Variants in FMN2 observed in about 807,000 individuals in gnomAD.
The protein encoded by FMN2 is formin 2.
A neutral mutation model predicts 142.3 loss-of-function variants in FMN2; 51 were observed. That is an observed-to-expected ratio of 0.36 (90% CI 0.29 to 0.45). The LOEUF (loss-of-function observed/expected upper bound fraction) is 0.45. Ranked by LOEUF, FMN2 falls within the 20% of genes least tolerant of loss-of-function variation. FMN2 has a pLI of 1.00. For synonymous variants in FMN2, 882 were observed against 869.8 expected, an observed-to-expected ratio of 1.01 and a Z score of -0.25; for missense variants, 1,936 against 2,122.8, an observed-to-expected ratio of 0.91 and a Z score of 1.73.
chr1:240,122,439 C>T (rs371021529), intron 1 of FMN2, among the ~76,000 whole-genome samples: 52 of 152,112 alleles, frequency 3.4e-4, no homozygotes, highest in African/African-American at 1.2e-3. Context: ...CCCGCCACCA[C>T]GCCTGGCTAT....
intron 8 of FMN2, among the ~76,000 whole-genome samples, chr1:240,311,763 G>A (rs1670612595): frequency 1.3e-5 from 2 of 152,100 alleles, no homozygotes; most frequent in South Asian, 4.1e-4. Flanking sequence ...GATTAACACA[G>A]CTGCATTGGA....
At chr1:240,333,186 C>T (rs569852851) in intron 11 of FMN2, among the ~76,000 whole-genome samples, 9 of 152,066 alleles carry the variant, frequency 5.9e-5, no homozygotes, top group East Asian at 1.9e-4. Context: ...AAAATTAATG[C>T]GCCTAAATAA....
intron 2 of FMN2, among the ~76,000 whole-genome samples, chr1:240,166,323 G>A (rs866138009): frequency 1.6e-4 from 25 of 151,770 alleles, no homozygotes; most frequent in African/African-American, 6.0e-4. Flanking sequence ...TCTGCCTCCC[G>A]GGTTCAAGCG....
chr1:240,239,773 AT>A (rs1421573054), intron 6 of FMN2, among the ~76,000 whole-genome samples: 1 of 152,244 alleles, frequency 6.6e-6, no homozygotes, highest in Non-Finnish European at 1.5e-5. Flanking sequence ...CCGAATGACC[AT>A]TTACTAAATC....
At chr1:240,180,769 G>T (rs1665118130) in intron 3 of FMN2, among the ~76,000 whole-genome samples, 1 of 151,824 alleles carries the variant, frequency 6.6e-6, no homozygotes, top group Admixed American at 6.6e-5. Context: ...GTTTCACCAT[G>T]TTAGCTAAGC....
intron 3 of FMN2, among the ~76,000 whole-genome samples, chr1:240,185,449 C>G (rs966112671): frequency 6.6e-6 from 1 of 152,108 alleles, no homozygotes; most frequent in Non-Finnish European, 1.5e-5. Flanking sequence ...CAAATAAAAA[C>G]TATAATGAAA....
intron 13 of FMN2, among the ~76,000 whole-genome samples, chr1:240,351,154 C>T (rs555698539): frequency 1.3e-5 from 2 of 152,312 alleles, no homozygotes; most frequent in Admixed American, 1.3e-4. Flanking sequence ...CTTTTAAAAA[C>T]ATCTTTTTAC....
At chr1:240,334,899 A>C (rs1030051789) in intron 13 of FMN2, among the ~76,000 whole-genome samples, 1 of 152,148 alleles carries the variant, frequency 6.6e-6, no homozygotes, top group African/African-American at 2.4e-5. Flanking sequence ...TTGCTGTATT[A>C]CATACAGATG....
At chr1:240,305,048 T>C (rs900964461) in intron 8 of FMN2, among the ~76,000 whole-genome samples, 10 of 152,202 alleles carry the variant, frequency 6.6e-5, no homozygotes, top group Non-Finnish European at 1.5e-4. Flanking sequence ...CTGGGGTTTC[T>C]AATTTTTTCA....
At chr1:240,202,699 A>G (rs1370604775) in intron 4 of FMN2, among the ~76,000 whole-genome samples, 1 of 152,104 alleles carries the variant, frequency 6.6e-6, no homozygotes, top group East Asian at 1.9e-4. Context: ...CCTGGCTTCA[A>G]GTGATCCTCC....
chr1:240,388,227 C>CAAAAAAAAAAAAAAAAAAAAAAAAAAAAA (rs761610582), intron 14 of FMN2, among the ~76,000 whole-genome samples: 1 of 6,052 alleles, frequency 1.7e-4, no homozygotes, highest in Non-Finnish European at 2.6e-4. Context: ...GTGCTCAAAG[C>CAAAAAAAAAAAAAAAAAAAAAAAAAAAAA]AAAAAAAAAA....
At chr1:240,320,510 T>C (rs1284481501) in intron 8 of FMN2, among the ~76,000 whole-genome samples, 1 of 152,156 alleles carries the variant, frequency 6.6e-6, no homozygotes. Flanking sequence ...GAAATGACCC[T>C]AGAGAGTGGA....
At chr1:240,254,704 A>T (rs1668394124) in intron 6 of FMN2, among the ~76,000 whole-genome samples, 24 of 152,172 alleles carry the variant, frequency 1.6e-4, no homozygotes, top group Admixed American at 1.2e-3. Flanking sequence ...GGCGGCTGCA[A>T]GAGGGGTGCC....
At chr1:240,154,191 A>T (rs1490647181) in intron 2 of FMN2, among the ~76,000 whole-genome samples, 1 of 151,142 alleles carries the variant, frequency 6.6e-6, no homozygotes, top group African/African-American at 2.4e-5. Flanking sequence ...TCTTAGGAGA[A>T]CGTACGTTCT....
intron 8 of FMN2, among the ~76,000 whole-genome samples, chr1:240,310,443 T>C (rs958648517): frequency 8.5e-5 from 13 of 152,214 alleles, no homozygotes; most frequent in Non-Finnish European, 2.9e-5. Context: ...GAATGAATCT[T>C]GGTTAGCCTC....
chr1:240,398,491 A>T (rs989241765), intron 15 of FMN2, among the ~76,000 whole-genome samples: 2 of 152,220 alleles, frequency 1.3e-5, no homozygotes, highest in Non-Finnish European at 2.9e-5. Flanking sequence ...ATTACTAGCA[A>T]ATGACAAAAT....
At position 240,206,972 on chromosome 1, in the gene FMN2, T is replaced by TA; in HGVS notation, c.2160_2161insA (p.Val721SerfsTer17). On this transcript the variant is annotated frameshift_variant, in exon 5 of 18. Transcript: ENST00000319653. LOFTEE classifies it high-confidence loss of function. ...AGAATGGAGTGACAGCCTCAGGCGA[T>TA]GTCTGTCTCGAAGCTCTCAGGTTAG... 6.2e-7 allele frequency: 1 copy of TA among 1,614,160 alleles called. No homozygotes were observed. Among genetic ancestry groups the TA allele is most frequent in the Non-Finnish European group, 8.5e-7 (1 of 1,180,010 alleles).
chr1:240,247,009 A>G (rs2102878245), intron 6 of FMN2, among the ~76,000 whole-genome samples: 1 of 152,254 alleles, frequency 6.6e-6, no homozygotes, highest in South Asian at 2.1e-4. Flanking sequence ...AAGGTGTTGG[A>G]AAAAAAGGTC....
At chr1:240,461,263 A>T (rs183684949) in intron 16 of FMN2, among the ~76,000 whole-genome samples, 227 of 152,294 alleles carry the variant, frequency 1.5e-3, no homozygotes, top group Middle Eastern at 0.014. Flanking sequence ...CTGAACAGGT[A>T]ATTTGGCCAT....
Sources: gnomAD v4.1 joint callset for allele counts (sites outside exome capture counted in the v4.1 genomes callset) on GRCh38, gnomAD v4.1.1 for gene constraint, MANE v1.5 for transcripts, NCBI Gene and HGNC (gene_info 2026-07-23, HGNC 2026-07-21) for gene names.